The following PRKG2 variants were observed in gnomAD, a reference collection of about 807,000 sequenced individuals.
The protein encoded by PRKG2 is protein kinase cGMP-dependent 2, also known as cGMP-dependent protein kinase 2.
In PRKG2, 33 loss-of-function variants were observed where a neutral mutation model predicts 97.2. That is an observed-to-expected ratio of 0.34 (90% CI 0.26 to 0.45). The LOEUF (loss-of-function observed/expected upper bound fraction) is 0.45, where lower values mean the gene tolerates loss of function less well. PRKG2 is among the 20% of genes least tolerant of loss of function. The pLI, the probability that PRKG2 is intolerant of heterozygous loss-of-function variation, is 1.00. For missense variants in PRKG2, 638 were observed against 900.0 expected (o/e 0.71, Z 3.73); for synonymous variants, 330 against 321.8 (o/e 1.03, Z -0.27).
In PRKG2 at chr4:81,104,309, G is replaced by A. The variant is rs996757993; in HGVS notation, c.2126+61C>T. On this transcript the variant is annotated intron_variant, in intron 17 of 18. Transcript: ENST00000264399. The stretch of plus-strand genomic sequence containing the variant: ...TTGTGGCCTCCTGAGAGAAGCTTTT[G>A]CAAGTACCACATTGTTCTCTAAATT... 3 of 1,274,566 alleles carry A rather than the reference G, an allele frequency of 2.4e-6. No individual in the cohort carries two copies. The African/African-American group carries it at 4.7e-5, about 20-fold the overall frequency. The allele number at this position is 1,274,566 out of a possible 1,614,324, so 79.0% of individuals were successfully genotyped here. A position where few individuals can be genotyped will look rare whatever the true frequency, so the allele number is the denominator to read the frequency against.
At chr4:81,157,676 C>A (rs1299670141) in intron 6 of PRKG2, among the ~76,000 whole-genome samples, 12 of 152,022 alleles carry the variant, frequency 7.9e-5, no homozygotes, top group Admixed American at 7.2e-4. Flanking sequence ...ATGCAAAAAT[C>A]CTCAATAAAA....
chr4:81,199,723 T>C (rs997035643), intron 2 of PRKG2, among the ~76,000 whole-genome samples: 3 of 152,206 alleles, frequency 2.0e-5, no homozygotes, highest in African/African-American at 7.2e-5. Flanking sequence ...ACATGTTCTG[T>C]AGTGCACATC....
At chr4:81,197,411 T>G (rs989111988) in intron 2 of PRKG2, among the ~76,000 whole-genome samples, 1 of 152,168 alleles carries the variant, frequency 6.6e-6, no homozygotes, top group Admixed American at 6.5e-5. Flanking sequence ...AATAACCAAT[T>G]TGGAACCAAG....
rs1466542604 is a variant in PRKG2 at position 81,204,777 on chromosome 4, C to T, written c.271G>A (p.Gly91Arg). ...KLQDVVHMQG[G>R]SPLQASPDKV... The stretch of plus-strand genomic sequence containing the variant: ...TCTGGAGAGGCCTGAAGCGGGCTTC[C>T]TCCCTGCATATGCACCACATCCTGC... The change falls in exon 2 of 19, where the codon GGA becomes AGA. Residue 91 changes from glycine (G) to arginine (R), a missense_variant. This residue lies in a region of PRKG2 where 332 missense variants were observed against 421.7 expected (regional missense o/e 0.79). Transcript: ENST00000264399. 3.7e-6 allele frequency: 6 copies of T among 1,614,060 alleles called. No homozygotes were observed. Among genetic ancestry groups the T allele is most frequent in the Non-Finnish European group, 5.1e-6 (6 of 1,180,044 alleles).
At chr4:81,209,783 T>C (rs1175552185) in intron 1 of PRKG2, among the ~76,000 whole-genome samples, 6 of 152,010 alleles carry the variant, frequency 3.9e-5, no homozygotes, top group African/African-American at 9.7e-5. Flanking sequence ...CAACACAATA[T>C]TGAAGGAGAA....
chr4:81,176,639 ACT>A (rs1168797834), intron 2 of PRKG2, among the ~76,000 whole-genome samples: 1 of 152,154 alleles, frequency 6.6e-6, no homozygotes, highest in African/African-American at 2.4e-5. Flanking sequence ...TTCCAAGAAC[ACT>A]GTTTCTTTAT....
intron 1 of PRKG2, among the ~76,000 whole-genome samples, 168 bp from the exon 2 acceptor site, chr4:81,205,228 T>C (rs960754683): frequency 6.6e-6 from 1 of 152,122 alleles, no homozygotes; most frequent in Admixed American, 6.5e-5. Flanking sequence ...AAGCTATCTA[T>C]TGATTTCTTT....
At chr4:81,125,454 C>A (rs1412843094) in intron 14 of PRKG2, among the ~76,000 whole-genome samples, 4 of 152,114 alleles carry the variant, frequency 2.6e-5, no homozygotes, top group Non-Finnish European at 5.9e-5. Flanking sequence ...CATGTTGTTC[C>A]TTTTTATTGG....
At chr4:81,171,860 A>T in intron 3 of PRKG2, 56 bp from the exon 4 acceptor site, 1 of 1,175,554 alleles carries the variant, frequency 8.5e-7, no homozygotes, top group East Asian at 2.4e-5. Context: ...CCGTGTAGAT[A>T]CTATAAATTA....
intron 2 of PRKG2, among the ~76,000 whole-genome samples, chr4:81,199,335 T>TA (rs1008749890): frequency 7.2e-5 from 11 of 151,952 alleles, no homozygotes; most frequent in African/African-American, 1.7e-4. Context: ...TCATTGCATT[T>TA]AAAAAAAATT....
At chr4:81,162,520 C>T (rs1488763484) in intron 6 of PRKG2, among the ~76,000 whole-genome samples, 1 of 152,112 alleles carries the variant, frequency 6.6e-6, no homozygotes, top group Non-Finnish European at 1.5e-5. Flanking sequence ...AGCTTGGATT[C>T]CCAAATGACT....
At chr4:81,100,258 C>A (rs1368777345) in intron 17 of PRKG2, among the ~76,000 whole-genome samples, 3 of 152,166 alleles carry the variant, frequency 2.0e-5, no homozygotes, top group Non-Finnish European at 4.4e-5. Context: ...ATTGCCAAGT[C>A]AATCCTAAGC....
intron 14 of PRKG2, among the ~76,000 whole-genome samples, chr4:81,130,757 A>G (rs1470824623): frequency 6.6e-6 from 1 of 152,052 alleles, no homozygotes; most frequent in Non-Finnish European, 1.5e-5. Flanking sequence ...GCCTCCACCA[A>G]CTTCCCCGCG....
At chr4:81,186,504 C>A (rs1316783348) in intron 2 of PRKG2, among the ~76,000 whole-genome samples, 1 of 152,110 alleles carries the variant, frequency 6.6e-6, no homozygotes, top group African/African-American at 2.4e-5. Context: ...CCACTCAATG[C>A]CCACAGGAGA....
chr4:81,144,303 A>T lies in PRKG2; in HGVS notation c.1182T>A (p.Phe394Leu), dbSNP rs1747585518. The change falls in exon 10 of 19, where the codon TTT (phenylalanine) becomes TTA (leucine). Residue 394 changes from phenylalanine to leucine, a missense_variant. Around this residue, in one of 3 missense-constraint regions of PRKG2, gnomAD observed 304 missense variants for 460.5 expected, o/e 0.66. Coordinates refer to ENST00000264399, the MANE Select transcript of PRKG2 (RefSeq NM_006259.3). Reference sequence around the variant, plus strand: ...CTTCAAGGTATTTTTGCAGCTCTTCAAATGTACCGACAGTTTGGTTGAATG... The same window carrying T: ...CTTCAAGGTATTTTTGCAGCTCTTCTAATGTACCGACAGTTTGGTTGAATG... ...RETFNQTVGT[F>L]EELQKYLEGY... The T allele has an allele frequency of 6.2e-7, 1 of 1,611,592 alleles. No individual in the cohort carries two copies. The highest frequency in any genetic ancestry group is 1.3e-5 in the African/African-American group (1 of 74,836).
intron 14 of PRKG2, among the ~76,000 whole-genome samples, chr4:81,116,237 C>G (rs1744504430): frequency 6.6e-6 from 1 of 152,048 alleles, no homozygotes; most frequent in African/African-American, 2.4e-5. Context: ...TCTTTGTGTC[C>G]ATATATACTC....
Position 81,204,958 on chromosome 4 carries a change from C to A in PRKG2, c.90G>T (p.Val30=). The A allele has an allele frequency of 6.2e-7, 1 of 1,614,168 alleles. No individual in the cohort carries two copies. The highest frequency in any genetic ancestry group is 1.1e-5 in the South Asian group (1 of 91,076). The change falls in exon 2 of 19, where the codon GTG becomes GTT. Residue 30 remains valine, a synonymous_variant. Transcript: ENST00000264399. Reference sequence around the variant, plus strand: ...TCCTCAACTCTCTCTCCAGCTCTGTCACCTTGTTCCGCAGAGCATCAGTGG... The same window carrying A: ...TCCTCAACTCTCTCTCCAGCTCTGTAACCTTGTTCCGCAGAGCATCAGTGG... ...NLTTDALRNK[V]TELERELRRK...
chr4:81,176,043 A>G lies in PRKG2; in HGVS notation c.462-1084T>C, dbSNP rs999908134. ...AAAAAGTTTTCAAACAAAAGGTAAG[A>G]CTTCATGAAATTAAATAATTCTTTC... On this transcript the variant is annotated intron_variant, in intron 2 of 18. Coordinates refer to ENST00000264399, the MANE Select transcript of PRKG2 (RefSeq NM_006259.3). The G allele has an allele frequency of 3.9e-5, 6 of 152,276 alleles. No individual in the cohort carries two copies. The East Asian group carries it at 1.2e-3, about 29-fold the overall frequency. The allele number at this position is 152,276 out of a possible 1,614,324, so 9.4% of individuals were successfully genotyped here.
chr4:81,108,341 C>T (rs1460140019), intron 15 of PRKG2, among the ~76,000 whole-genome samples: 2 of 152,084 alleles, frequency 1.3e-5, no homozygotes, highest in Admixed American at 6.5e-5. Context: ...ACTGAGCTTT[C>T]CCACTCTAGA....
Sources: gnomAD v4.1 joint callset for allele counts (sites outside exome capture counted in the v4.1 genomes callset) on GRCh38, gnomAD v4.1.1 for gene constraint, gnomAD v4.1.1 regional missense constraint, MANE v1.5 for transcripts, NCBI Gene and HGNC (gene_info 2026-07-23, HGNC 2026-07-21) for gene names.